The following GPRC5C variants were observed in gnomAD, a reference collection of about 807,000 sequenced individuals.
The protein encoded by GPRC5C is G protein-coupled receptor family C group 5 member C.
A neutral mutation model predicts 31.4 loss-of-function variants in GPRC5C; 22 were observed. The ratio of observed to expected loss-of-function variants is 0.70; its 90% CI spans 0.50 to 1.00. The LOEUF (loss-of-function observed/expected upper bound fraction) is 1.00. GPRC5C is among the 50% of genes least tolerant of loss of function. The pLI, the probability that GPRC5C is intolerant of heterozygous loss-of-function variation, is 0.00. For missense variants in GPRC5C, 557 were observed against 597.2 expected, an observed-to-expected ratio of 0.93 and a Z score of 0.70; for synonymous variants, 249 against 257.5, an observed-to-expected ratio of 0.97 and a Z score of 0.32.
chr17:74,442,830 T>TGG lies in GPRC5C; in HGVS notation c.1052-987_1052-986dup, dbSNP rs139884297. Among the ~76,000 whole-genome samples, 296 of 151,908 alleles carry TGG rather than the reference T, an allele frequency of 1.9e-3. 3 individuals carry two copies. Among genetic ancestry groups the TGG allele is most frequent in the African/African-American group, 6.8e-3 (282 of 41,436 alleles). The stretch of plus-strand genomic sequence containing the variant: ...GCCCCTGTCACACGCACGGTGTGCA[T>TGG]GGCGGGGGTGGAATTGGCAAAACCC... On this transcript the variant is annotated intron_variant, in intron 2 of 3. Coordinates refer to ENST00000392627, the MANE Select transcript of GPRC5C (RefSeq NM_022036.4).
Position 74,447,346 on chromosome 17 carries a change from A to G in GPRC5C, c.*318A>G. ...TTCTCTGGAGATTCCTGCAACCTCA[A>G]GAGACTTCCCAGGCGCTCAGGCCTG... On this transcript the variant is annotated 3_prime_UTR_variant, in exon 4 of 4. Transcript: ENST00000392627. 9.1e-7 allele frequency: 1 copy of G among 1,096,062 alleles called. No individual in the cohort carries two copies. Among genetic ancestry groups the G allele is most frequent in the Non-Finnish European group, 1.1e-6 (1 of 899,594 alleles). The allele number at this position is 1,096,062 out of a possible 1,614,324, so 67.9% of individuals were successfully genotyped here.
At position 74,447,027 on chromosome 17, in the gene GPRC5C, G is replaced by A; in HGVS notation, c.1325G>A (p.Ter442=). The A allele has an allele frequency of 6.2e-7, 1 of 1,607,830 alleles. No individual in the cohort carries two copies. Among genetic ancestry groups the A allele is most frequent in the Non-Finnish European group, 8.5e-7 (1 of 1,174,904 alleles). Residue 442 remains the stop codon, a stop_retained_variant, in exon 4 of 4, where the codon TGA becomes TAA. Transcript: ENST00000392627. The stretch of plus-strand genomic sequence containing the variant: ...TTTAGAAACCCCTACGTGTGGGACT[G>A]AGTCAGCGGTGGCGAGGAGAGGCGG... ...QVFRNPYVWD[*] is the part of the protein sequence containing the mutation.
At chr17:74,436,435 C>T (rs2055432271) in intron 1 of GPRC5C, among the ~76,000 whole-genome samples, 1 of 152,176 alleles carries the variant, frequency 6.6e-6, no homozygotes, top group Admixed American at 6.6e-5. Flanking sequence ...TTTCTCTACT[C>T]TGCCTGTTTC....
downstream of GPRC5C, among the ~76,000 whole-genome samples, chr17:74,447,686 A>G (rs112118676): frequency 0.012 from 1,787 of 152,300 alleles, 54 homozygotes; most frequent in African/African-American, 0.04. Context: ...GCAGTCCCGC[A>G]CCTGGGCTTG....
chr17:74,433,845 C>A, intron 1 of GPRC5C: 1 of 961,096 alleles, frequency 1.0e-6, no homozygotes, highest in South Asian at 1.3e-5. Flanking sequence ...GAGGGGGTCT[C>A]AGGCTTGTGT....
intron 1 of GPRC5C, 127 bp downstream of exon 1, chr17:74,432,268 GCCC>G: frequency 6.7e-7 from 1 of 1,488,470 alleles, no homozygotes. Context: ...GCAGGCTCCA[GCCC>G]ACCCTCGCCG....
intron 2 of GPRC5C, among the ~76,000 whole-genome samples, 198 bp downstream of exon 2, chr17:74,441,025 A>G (rs746860278): frequency 1.3e-4 from 19 of 151,484 alleles, no homozygotes; most frequent in Non-Finnish European, 2.6e-4. Context: ...CTGTAATCCT[A>G]GCACTTTGGG....
chr17:74,434,072 C>T (rs955401361), intron 1 of GPRC5C, among the ~76,000 whole-genome samples: 1 of 152,154 alleles, frequency 6.6e-6, no homozygotes, highest in African/African-American at 2.4e-5. Context: ...ACTGCACTGA[C>T]TCACAGGAGA....
Position 74,439,897 on chromosome 17 carries a change from A to G in GPRC5C, c.121A>G (p.Asn41Asp). The G allele has an allele frequency of 1.9e-6, 3 of 1,612,920 alleles. No homozygotes were observed. The highest frequency in any genetic ancestry group is 2.5e-6 in the Non-Finnish European group (3 of 1,179,992). ...CSQGLNPLYY[N>D]LCDRSGAWGI... ...CCAAGGCCTCAACCCCCTGTACTAC[A>G]ACCTGTGTGACCGCTCTGGGGCGTG... Residue 41 changes from asparagine to aspartate, a missense_variant, in exon 2 of 4, where the codon AAC becomes GAC. By Grantham distance (23) the Asn-to-Asp change is conservative. Coordinates refer to ENST00000392627, the MANE Select transcript of GPRC5C (RefSeq NM_022036.4).
In GPRC5C at chr17:74,438,476, G is replaced by A. The variant is rs1019090127; in HGVS notation, c.-32-1269G>A. Reference sequence around the variant, plus strand: ...GGGTTTCACCATTTTGGCCGGGCTGGTCTCGAACTCCTGACCTCAAGTGAT... The same window carrying A: ...GGGTTTCACCATTTTGGCCGGGCTGATCTCGAACTCCTGACCTCAAGTGAT... On this transcript the variant is annotated intron_variant, in intron 1 of 3. Coordinates refer to ENST00000392627, the MANE Select transcript of GPRC5C (RefSeq NM_022036.4). Among the ~76,000 whole-genome samples the A allele has an allele frequency of 4.0e-5, 6 of 151,854 alleles. No individual in the cohort carries two copies. In the South Asian group the frequency reaches 1.2e-3, roughly 32 times the overall value.
intron 1 of GPRC5C, among the ~76,000 whole-genome samples, chr17:74,434,332 C>G (rs1460965152): frequency 6.6e-6 from 1 of 152,162 alleles, no homozygotes; most frequent in African/African-American, 2.4e-5. Context: ...AGGGGACAAC[C>G]CTGGGTGTGG....
downstream of GPRC5C, chr17:74,449,464 CT>C (rs569442182): frequency 4.4e-3 from 3,427 of 772,184 alleles, 19 homozygotes; most frequent in Non-Finnish European, 5.6e-3. Flanking sequence ...GTCATTGGAG[CT>C]GGGAGGGGCC....
chr17:74,440,491 C>A lies in GPRC5C; in HGVS notation c.715C>A (p.Arg239Ser). 6.2e-7 allele frequency: 1 copy of A among 1,614,124 alleles called. No homozygotes were observed. The highest frequency in any genetic ancestry group is 8.5e-7 in the Non-Finnish European group (1 of 1,180,034). The change falls in exon 2 of 4, where the codon CGT becomes AGT. Residue 239 changes from arginine to serine, a missense_variant. Coordinates refer to ENST00000392627, the MANE Select transcript of GPRC5C (RefSeq NM_022036.4). The surrounding 1 kb of genome is among the most constrained non-coding windows in gnomAD (Gnocchi z 4.4). ...CCTGTGTGGCCGCTACAAGCGCTGG[C>A]GTAAGCATGGGGTCTTTGTGCTCCT... ...PALCGRYKRW[R>S]KHGVFVLLTT... is the part of the protein sequence containing the mutation.
At chr17:74,448,739 C>T, downstream of GPRC5C, 1 of 533,374 alleles carries the variant, frequency 1.9e-6, no homozygotes, top group Non-Finnish European at 3.4e-6. Flanking sequence ...GTATTCTATC[C>T]CTTTTCCAGA....
rs1268115370 is a variant in GPRC5C, at chr17:74,444,033, A to C, written c.1146+121A>C. The C allele has an allele frequency of 1.2e-5, 8 of 688,212 alleles. No individual in the cohort carries two copies. The South Asian group carries it at 1.4e-4, about 12-fold the overall frequency. The allele number at this position is 688,212 out of a possible 1,614,324, so 42.6% of individuals were successfully genotyped here. ...GGGTGGAGGTGGTAAGGGGAAGGCA[A>C]GCTTCTCCATCTGGTGCTTTTACCT... is the stretch of plus-strand genomic sequence containing the variant. On this transcript the variant is annotated intron_variant, in intron 3 of 3. Coordinates refer to ENST00000392627, the MANE Select transcript of GPRC5C (RefSeq NM_022036.4).
chr17:74,447,515 T>G, downstream of GPRC5C: 2 of 231,044 alleles, frequency 8.7e-6, no homozygotes, highest in Non-Finnish European at 1.4e-5. Flanking sequence ...GTGACTTCTC[T>G]TTCTTCCCTC....
intron 3 of GPRC5C, 100 bp downstream of exon 3, chr17:74,444,012 G>T: frequency 1.2e-6 from 1 of 819,920 alleles, no homozygotes; most frequent in South Asian, 1.5e-5. Context: ...TGGGTTGGGT[G>T]GAGGTGGTAA....
At chr17:74,442,121 G>C (rs2055551667) in intron 2 of GPRC5C, among the ~76,000 whole-genome samples, 2 of 152,092 alleles carry the variant, frequency 1.3e-5, no homozygotes, top group South Asian at 4.1e-4. Flanking sequence ...TCCTGCCTCA[G>C]CCTCCCAAGT....
At chr17:74,450,646 A>C (rs988339745), downstream of GPRC5C, 2 of 152,162 alleles carry the variant, frequency 1.3e-5, no homozygotes, top group Non-Finnish European at 2.9e-5. Context: ...CTGGTTCATC[A>C]CTGGAGGAGC....
Sources: gnomAD v4.1 joint callset for allele counts (sites outside exome capture counted in the v4.1 genomes callset) on GRCh38, gnomAD v4.1.1 for gene constraint, Gnocchi (gnomAD v3.1) non-coding constraint, MANE v1.5 for transcripts, NCBI Gene and HGNC (gene_info 2026-07-23, HGNC 2026-07-21) for gene names.